The following NALCN variants were observed in gnomAD, a reference collection of about 807,000 sequenced individuals.
NALCN encodes the protein sodium leak channel NALCN.
Under a neutral mutation model 225.3 loss-of-function variants are expected in NALCN, and 111 were observed. The ratio of observed to expected loss-of-function variants is 0.49; its 90% CI spans 0.42 to 0.58. The LOEUF is 0.58. NALCN is among the 20% of genes least tolerant of loss of function. The pLI, the probability that NALCN is intolerant of heterozygous loss-of-function variation, is 0.00. For synonymous variants in NALCN, 764 were observed against 769.0 expected (o/e 0.99, Z 0.11); for missense variants, 1,378 against 2,202.4 (o/e 0.63, Z 7.49).
chr13:101,229,403 GTAGTAAATCTGTCCAGTTCTTCGA>G lies in NALCN; in HGVS notation c.1592_1615del (p.Val531_Thr539delinsAla). ...TTTTAAAACTCTTACCCTCGGAAAC[GTAGTAAATCTGTCCAGTTCTTCGA>G]CAAAGCAGAACATCTGCAAACTAAT... On this transcript the variant is annotated inframe_deletion, in exon 13 of 44. Coordinates refer to ENST00000251127, the MANE Select transcript of NALCN (RefSeq NM_052867.4). 6.3e-7 allele frequency: 1 copy of G among 1,576,082 alleles called. No individual in the cohort carries two copies. The highest frequency in any genetic ancestry group is 8.6e-7 in the Non-Finnish European group (1 of 1,162,628).
At chr13:101,150,217 CG>C (rs1206555034) in intron 15 of NALCN, among the ~76,000 whole-genome samples, 1 of 147,326 alleles carries the variant, frequency 6.8e-6, no homozygotes, top group Non-Finnish European at 1.5e-5. Flanking sequence ...CGTGTGCTGC[CG>C]GGTGTCTGCA....
At chr13:101,251,317 A>G (rs17583066) in intron 11 of NALCN, among the ~76,000 whole-genome samples, 3,206 of 152,176 alleles carry the variant, frequency 0.021, 54 homozygotes, top group Non-Finnish European at 0.031. Flanking sequence ...TATAATGAGG[A>G]TTGAAAAAGT....
intron 7 of NALCN, among the ~76,000 whole-genome samples, chr13:101,328,016 G>T (rs77522903): frequency 6.6e-6 from 1 of 152,076 alleles, no homozygotes; most frequent in East Asian, 1.9e-4. Context: ...AGGGAGTTGC[G>T]ATAAAACTTT....
At chr13:101,301,591 T>G (rs2043970393) in intron 7 of NALCN, among the ~76,000 whole-genome samples, 1 of 151,744 alleles carries the variant, frequency 6.6e-6, no homozygotes, top group Non-Finnish European at 1.5e-5. Context: ...CCTGGTGGCA[T>G]GTACCTGTAA....
At chr13:101,224,261 T>C (rs1022841684) in intron 13 of NALCN, among the ~76,000 whole-genome samples, 1 of 152,164 alleles carries the variant, frequency 6.6e-6, no homozygotes, top group Non-Finnish European at 1.5e-5. Context: ...TCCCAAACTT[T>C]CACTGCTTCC....
chr13:101,160,590 T>C (rs184778374), intron 15 of NALCN, among the ~76,000 whole-genome samples: 1 of 152,196 alleles, frequency 6.6e-6, no homozygotes, highest in South Asian at 2.1e-4. Context: ...TAGATAAACA[T>C]ATTAAATCTC....
At chr13:101,261,415 C>T (rs1035536393) in intron 10 of NALCN, among the ~76,000 whole-genome samples, 3 of 152,052 alleles carry the variant, frequency 2.0e-5, no homozygotes, top group Admixed American at 6.6e-5. Flanking sequence ...GATAAGGATT[C>T]AATTGCATCT....
At chr13:101,136,639 C>A (rs995625384) in intron 17 of NALCN, among the ~76,000 whole-genome samples, 1 of 152,112 alleles carries the variant, frequency 6.6e-6, no homozygotes, top group Non-Finnish European at 1.5e-5. Context: ...TGAACTCATC[C>A]TTTTTTATGA....
At chr13:101,079,644 T>C (rs991238122) in intron 34 of NALCN, among the ~76,000 whole-genome samples, 21 of 152,356 alleles carry the variant, frequency 1.4e-4, no homozygotes, top group African/African-American at 4.8e-4. Flanking sequence ...TGACTATCTA[T>C]CTACTTTTCT....
chr13:101,120,503 G>A (rs1451691913), intron 18 of NALCN, among the ~76,000 whole-genome samples: 1 of 146,854 alleles, frequency 6.8e-6, no homozygotes, highest in Non-Finnish European at 1.5e-5. Context: ...CTACCCAATG[G>A]GGATCAATGC....
chr13:101,190,542 C>T (rs1037928490), intron 14 of NALCN, among the ~76,000 whole-genome samples: 1 of 152,168 alleles, frequency 6.6e-6, no homozygotes, highest in South Asian at 2.1e-4. Context: ...TCCTATCTTT[C>T]GCGTAACTTT....
At chr13:101,132,979 T>G (rs1260536351) in intron 17 of NALCN, among the ~76,000 whole-genome samples, 3 of 152,194 alleles carry the variant, frequency 2.0e-5, no homozygotes, top group Non-Finnish European at 2.9e-5. Context: ...CTGAAAGAGA[T>G]CAATACATTT....
At chr13:101,117,089 C>T in intron 18 of NALCN, 1 of 401,868 alleles carries the variant, frequency 2.5e-6, no homozygotes, top group South Asian at 1.8e-5. Flanking sequence ...GTAAATGGAT[C>T]TGGCTCTTTC....
Position 101,104,598 on chromosome 13 carries a change from T to C in NALCN, c.2689A>G (p.Ile897Val). 2 of 1,613,992 alleles carry C rather than the reference T, an allele frequency of 1.2e-6. No individual in the cohort carries two copies. The highest frequency in any genetic ancestry group is 2.2e-5 in the South Asian group (2 of 91,080). The change falls in exon 24 of 44, where the codon ATC becomes GTC. Residue 897 changes from isoleucine (I) to valine (V), a missense_variant. Physicochemically the swap from Ile to Val is conservative, Grantham distance 29. Around this residue, in one of 19 missense-constraint regions of NALCN, gnomAD observed 292 missense variants for 409.5 expected, o/e 0.71. Transcript: ENST00000251127. The surrounding 1 kb of genome is among the most constrained non-coding windows in gnomAD (Gnocchi z 4.2). ...AACATCATGGAAATGCAAGAGCAGA[T>C]GGTTACGATGATCATGACCCAGTCC... ...YLDWVMIIVT[I>V]CSCISMMFES...
intron 6 of NALCN, among the ~76,000 whole-genome samples, chr13:101,374,079 A>G (rs1379144697): frequency 2.0e-5 from 3 of 151,984 alleles, no homozygotes; most frequent in Non-Finnish European, 4.4e-5. Flanking sequence ...GAAGATTAGG[A>G]GTGGGGTTAG....
intron 10 of NALCN, among the ~76,000 whole-genome samples, chr13:101,273,289 AGC>A (rs1436574192): frequency 1.3e-5 from 2 of 152,202 alleles, no homozygotes; most frequent in Non-Finnish European, 1.5e-5. Context: ...CTATTTATCA[AGC>A]ACTGGAGTGA....
At chr13:101,380,230 A>G (rs2046811445) in intron 3 of NALCN, among the ~76,000 whole-genome samples, 1 of 142,572 alleles carries the variant, frequency 7.0e-6, no homozygotes, top group African/African-American at 2.5e-5. Flanking sequence ...ATAGAATTCA[A>G]GACTAACAAA....
chr13:101,337,277 ATTATTTATTTATTTATTTAT>A (rs3062886), intron 7 of NALCN, among the ~76,000 whole-genome samples: 11 of 142,616 alleles, frequency 7.7e-5, no homozygotes, highest in East Asian at 4.1e-4. Flanking sequence ...TTTACTCTTT[ATTATTTATTTATTTATTTAT>A]TTATTTATTT....
chr13:101,140,371 G>T (rs1289153181), intron 17 of NALCN, among the ~76,000 whole-genome samples: 1 of 152,144 alleles, frequency 6.6e-6, no homozygotes, highest in East Asian at 1.9e-4. Flanking sequence ...TTCAGGAAAT[G>T]TGAGAAACAA....
Sources: allele counts gnomAD v4.1 joint callset (sites outside exome capture counted in the v4.1 genomes callset), GRCh38; gene constraint gnomAD v4.1.1; regional missense constraint gnomAD v4.1.1; non-coding constraint Gnocchi (gnomAD v3.1); transcripts MANE v1.5; gene names NCBI Gene and HGNC (gene_info 2026-07-23, HGNC 2026-07-21).